The following DLG3 variants were observed in gnomAD, a reference collection of about 807,000 sequenced individuals.
DLG3 encodes the protein disks large homolog 3.
Under a neutral mutation model 64.1 loss-of-function variants are expected in DLG3, and 1 was observed. The observed-to-expected ratio is 0.02, with a 90% confidence interval of 0.01 to 0.07. DLG3 has a LOEUF of 0.07. Ranked by LOEUF, DLG3 falls within the 10% of genes least tolerant of loss-of-function variation. DLG3 has a pLI of 1.00. For synonymous variants in DLG3, 245 were observed against 259.8 expected (o/e 0.94, Z 0.55); for missense variants, 429 against 669.5 (o/e 0.64, Z 3.96).
Position 70,445,276 on chromosome X carries a change from C to G in DLG3, c.75C>G (p.Leu25=). ...CCCGCCTGGCCGCCCTGCGGCGCCT[C>G]GAGCCTCCGGGCTACGGCGACTGGC... ...EVTRLAALRR[L]EPPGYGDWQV... Residue 25 remains leucine, a synonymous_variant, in exon 1 of 19, where the codon CTC becomes CTG. Coordinates refer to ENST00000374360, the MANE Select transcript of DLG3 (RefSeq NM_021120.4). The G allele has an allele frequency of 1.7e-6, 2 of 1,164,804 alleles. No homozygotes were observed. Among genetic ancestry groups the G allele is most frequent in the Non-Finnish European group, 2.3e-6 (2 of 873,141 alleles).
chrX:70,487,769 A>G (rs2087280953), intron 10 of DLG3, among the ~76,000 whole-genome samples: 1 of 111,027 alleles, frequency 9.0e-6, no homozygotes, highest in African/African-American at 3.3e-5. Flanking sequence ...CTCCTGCCTC[A>G]GCCTCCCGAG....
rs1424651827 is a variant in DLG3, at chrX:70,455,206, G to A, written c.1405+890G>A. ...CCGTGGTCTCCCGCGCGGGACGGAGGGACTGGCCGGAGCTGGCGCTTTCTC... is the reference window on the plus strand; with the variant it reads ...CCGTGGTCTCCCGCGCGGGACGGAGAGACTGGCCGGAGCTGGCGCTTTCTC... On this transcript the variant is annotated intron_variant, in intron 9 of 18. Transcript: ENST00000374360. 3 of 752,783 alleles carry A rather than the reference G, an allele frequency of 4.0e-6. No individual in the cohort carries two copies. In the African/African-American group the frequency reaches 6.9e-5, roughly 17 times the overall value. The allele number at this position is 752,783 out of a possible 1,213,427, so 62.0% of individuals were successfully genotyped here.
At chrX:70,452,450 C>T (rs950199769) in intron 7 of DLG3, 748 of 955,913 alleles carry the variant, frequency 7.8e-4, no homozygotes, top group Non-Finnish European at 9.3e-4. Flanking sequence ...TCGCCGGCAA[C>T]GGCCCCGCCC....
At chrX:70,480,219 C>T (rs1217276628) in intron 10 of DLG3, among the ~76,000 whole-genome samples, 2 of 112,441 alleles carry the variant, frequency 1.8e-5, no homozygotes, top group African/African-American at 6.5e-5. Context: ...CTAGTGGCCT[C>T]TGATACCTGG....
Position 70,445,255 on chromosome X carries a change from C to T in DLG3, c.54C>T (p.Arg18=). 3 of 1,164,539 alleles carry T rather than the reference C, an allele frequency of 2.6e-6. No individual in the cohort carries two copies. Among genetic ancestry groups the T allele is most frequent in the South Asian group, 1.9e-5 (1 of 52,850 alleles). Reference sequence around the variant, plus strand: ...GCCCTGAGTGCTATGAGGTGACCCGCCTGGCCGCCCTGCGGCGCCTCGAGC... The same window carrying T: ...GCCCTGAGTGCTATGAGGTGACCCGTCTGGCCGCCCTGCGGCGCCTCGAGC... ...CKCPECYEVT[R]LAALRRLEPP... Residue 18 remains arginine (R), a synonymous_variant, in exon 1 of 19, where the codon CGC becomes CGT. Coordinates refer to ENST00000374360, the MANE Select transcript of DLG3 (RefSeq NM_021120.4).
intron 13 of DLG3, chrX:70,497,281 A>C: frequency 2.7e-6 from 3 of 1,092,218 alleles, no homozygotes; most frequent in Non-Finnish European, 3.8e-6. Context: ...AGCCATCCTC[A>C]TTCCAGTGTT....
chrX:70,479,059 G>A (rs1309409834), intron 9 of DLG3, 91 bp from the exon 10 acceptor site: 1 of 820,883 alleles, frequency 1.2e-6, no homozygotes, highest in Non-Finnish European at 1.8e-6. Context: ...TAAGCCAAGG[G>A]GCCTTCTGGC....
intron 9 of DLG3, among the ~76,000 whole-genome samples, chrX:70,466,957 G>A (rs2086896847): frequency 9.0e-6 from 1 of 111,353 alleles, no homozygotes; most frequent in Admixed American, 9.6e-5. Context: ...TTGTCACCCA[G>A]GCTGGAGTGC....
intron 13 of DLG3, among the ~76,000 whole-genome samples, chrX:70,495,702 G>A (rs766296841): frequency 5.4e-5 from 6 of 111,907 alleles, no homozygotes; most frequent in East Asian, 5.6e-4. Flanking sequence ...GTGGGAGGGC[G>A]TGAGCATGGC....
intron 9 of DLG3, among the ~76,000 whole-genome samples, chrX:70,476,219 C>T (rs1352953634): frequency 8.9e-6 from 1 of 112,051 alleles, no homozygotes; most frequent in Non-Finnish European, 1.9e-5. Flanking sequence ...CTTTGTGGGT[C>T]ACAAACAGTT....
chrX:70,498,054 G>A (rs2087487041), intron 13 of DLG3, among the ~76,000 whole-genome samples: 1 of 111,943 alleles, frequency 8.9e-6, no homozygotes, highest in Non-Finnish European at 1.9e-5. Flanking sequence ...CAATGCAGGA[G>A]GTGGGTTGGT....
At chrX:70,478,838 T>G (rs946330782) in intron 9 of DLG3, among the ~76,000 whole-genome samples, 1 of 111,866 alleles carries the variant, frequency 8.9e-6, no homozygotes, top group African/African-American at 3.3e-5. Context: ...CACTGGAACC[T>G]CTTTCCAGTT....
At chrX:70,451,772 G>A in intron 6 of DLG3, 95 bp from the exon 7 acceptor site, 2 of 1,045,178 alleles carry the variant, frequency 1.9e-6, no homozygotes, top group South Asian at 3.8e-5. Context: ...GGTCTCTTTT[G>A]CATCTGAAGT....
chrX:70,488,088 T>C (rs1482148765), intron 10 of DLG3, among the ~76,000 whole-genome samples: 1 of 95,674 alleles, frequency 1.0e-5, no homozygotes, highest in Non-Finnish European at 2.2e-5. Context: ...CTCGGCTCAC[T>C]GCACCCTCTG....
chrX:70,452,691 T>A, intron 7 of DLG3: 1 of 1,202,301 alleles, frequency 8.3e-7, no homozygotes, highest in Non-Finnish European at 1.1e-6. Flanking sequence ...CGCTTCGGCC[T>A]GGAGGAGGGC....
intron 9 of DLG3, among the ~76,000 whole-genome samples, chrX:70,468,053 A>AT (rs1474724772): frequency 9.1e-6 from 1 of 110,045 alleles, no homozygotes; most frequent in Non-Finnish European, 1.9e-5. Context: ...GACCAGGTAG[A>AT]TTTTTTTTTG....
chrX:70,492,894 G>T (rs1322491866), intron 12 of DLG3, among the ~76,000 whole-genome samples: 2 of 111,822 alleles, frequency 1.8e-5, no homozygotes, highest in African/African-American at 3.2e-5. Flanking sequence ...GTGTCTCCCT[G>T]GCTATAGATC....
chrX:70,498,316 A>G (rs2087492389), intron 13 of DLG3, among the ~76,000 whole-genome samples: 1 of 112,179 alleles, frequency 8.9e-6, no homozygotes, highest in Non-Finnish European at 1.9e-5. Context: ...GTGATATTTC[A>G]CTGAACAAGA....
intron 10 of DLG3, among the ~76,000 whole-genome samples, chrX:70,481,139 T>C (rs1462819400): frequency 8.9e-6 from 1 of 112,303 alleles, no homozygotes; most frequent in African/African-American, 3.2e-5. Flanking sequence ...GCTGAGGCCC[T>C]TTGCTAAGCT....
Sources: gnomAD v4.1 joint callset for allele counts (sites outside exome capture counted in the v4.1 genomes callset) on GRCh38, gnomAD v4.1.1 for gene constraint, MANE v1.5 for transcripts, NCBI Gene and HGNC (gene_info 2026-07-23, HGNC 2026-07-21) for gene names.